KIAA1217: variants seen among roughly 807,000 people sequenced by gnomAD.
KIAA1217 encodes the protein KIAA1217.
In KIAA1217, 88 loss-of-function variants were observed where a neutral mutation model predicts 163.9. The observed-to-expected ratio is 0.54, with a 90% CI of 0.45 to 0.64. KIAA1217 has a LOEUF of 0.64. KIAA1217 is among the 30% of genes least tolerant of loss of function. KIAA1217 has a pLI of 0.00. For missense variants in KIAA1217, 2,372 were observed against 2,475.0 expected (o/e 0.96, Z 0.88); for synonymous variants, 903 against 923.1 (o/e 0.98, Z 0.39).
At chr10:24,256,402 A>G (rs2075162370) in intron 2 of KIAA1217, among the ~76,000 whole-genome samples, 1 of 152,214 alleles carries the variant, frequency 6.6e-6, no homozygotes, top group Admixed American at 6.5e-5. Context: ...AAGCCCATAG[A>G]AAATAAAAAG....
chr10:24,521,009 TAAC>T (rs959866760), intron 11 of KIAA1217, among the ~76,000 whole-genome samples: 2 of 126,570 alleles, frequency 1.6e-5, no homozygotes, highest in Admixed American at 1.7e-4. Context: ...CTAGGAAACA[TAAC>T]AAAACCCCAT....
intron 14 of KIAA1217, 93 bp from the exon 15 acceptor site, chr10:24,531,737 A>G: frequency 7.9e-7 from 1 of 1,271,464 alleles, no homozygotes; most frequent in Non-Finnish European, 1.1e-6. Flanking sequence ...AAAATTTTTA[A>G]ATCAGATTGC....
At chr10:24,330,949 A>G (rs1244522974) in intron 2 of KIAA1217, among the ~76,000 whole-genome samples, 1 of 151,504 alleles carries the variant, frequency 6.6e-6, no homozygotes, top group Non-Finnish European at 1.5e-5. Flanking sequence ...ATATTTTTTT[A>G]TTTTTATTTT....
At chr10:24,237,351 A>C (rs1417081257) in intron 2 of KIAA1217, among the ~76,000 whole-genome samples, 1 of 152,212 alleles carries the variant, frequency 6.6e-6, no homozygotes, top group Non-Finnish European at 1.5e-5. Context: ...TGCTGGTTAC[A>C]AATTTTTCTC....
At chr10:23,948,267 A>G (rs1844152863) in intron 1 of KIAA1217, among the ~76,000 whole-genome samples, 1 of 152,164 alleles carries the variant, frequency 6.6e-6, no homozygotes, top group Non-Finnish European at 1.5e-5. Context: ...TATAGTACCA[A>G]CCGCATAGGG....
intron 2 of KIAA1217, among the ~76,000 whole-genome samples, chr10:24,187,021 C>T (rs756574317): frequency 2.6e-5 from 4 of 152,224 alleles, no homozygotes; most frequent in African/African-American, 7.2e-5. Flanking sequence ...ATCTCTTCTG[C>T]TCTACTCCTC....
At chr10:24,320,700 G>A (rs775568609) in intron 2 of KIAA1217, among the ~76,000 whole-genome samples, 1 of 152,100 alleles carries the variant, frequency 6.6e-6, no homozygotes, top group Non-Finnish European at 1.5e-5. Context: ...GCAGGAAGAC[G>A]GAAAATTCTC....
At chr10:24,340,551 C>T (rs2046961340) in intron 2 of KIAA1217, among the ~76,000 whole-genome samples, 1 of 152,112 alleles carries the variant, frequency 6.6e-6, no homozygotes, top group African/African-American at 2.4e-5. Context: ...TGAAAACAAA[C>T]TAATACAGCC....
At chr10:23,747,118 A>G (rs1364053458) in intron 1 of KIAA1217, among the ~76,000 whole-genome samples, 2 of 152,214 alleles carry the variant, frequency 1.3e-5, no homozygotes, top group East Asian at 1.9e-4. Flanking sequence ...AGCACTTTCT[A>G]GTATGCATGG....
chr10:24,230,501 TG>T (rs1389316885), intron 2 of KIAA1217, among the ~76,000 whole-genome samples: 7 of 93,446 alleles, frequency 7.5e-5, no homozygotes, highest in African/African-American at 3.2e-4. Flanking sequence ...CTATTTGTTT[TG>T]TTTTTTTTTT....
intron 9 of KIAA1217, among the ~76,000 whole-genome samples, chr10:24,505,991 A>G (rs1252170079): frequency 6.6e-6 from 1 of 152,116 alleles, no homozygotes; most frequent in Non-Finnish European, 1.5e-5. Context: ...CATGTGCAAC[A>G]GACCCGTGTC....
In KIAA1217 at chr10:23,800,557, G is replaced by C. The variant is rs560105512; in HGVS notation, c.-321+105323G>C. ...TGTCCTTGCAGAGAAATTTCTTCCAGGGGCCCTCATAAAAGGACACTGTGT... is the reference window on the plus strand; with the variant it reads ...TGTCCTTGCAGAGAAATTTCTTCCACGGGCCCTCATAAAAGGACACTGTGT... On this transcript the variant is annotated intron_variant, in intron 1 of 18. Coordinates refer to the KIAA1217 transcript ENST00000376462. 7.9e-5 allele frequency among the ~76,000 whole-genome samples: 12 copies of C among 152,176 alleles called. No individual in the cohort carries two copies. In the South Asian group the frequency reaches 1.0e-3, roughly 13 times the overall value.
At chr10:24,306,404 C>G (rs946421112) in intron 2 of KIAA1217, among the ~76,000 whole-genome samples, 32 of 152,198 alleles carry the variant, frequency 2.1e-4, no homozygotes, top group Admixed American at 1.6e-3. Context: ...AACCTAGACA[C>G]TACTATAAGA....
At chr10:23,969,067 T>G (rs967962734) in intron 1 of KIAA1217, among the ~76,000 whole-genome samples, 1 of 152,196 alleles carries the variant, frequency 6.6e-6, no homozygotes, top group Non-Finnish European at 1.5e-5. Context: ...GGAGTTTCAC[T>G]GTTGTTGCCC....
chr10:23,789,591 A>G (rs937537763), intron 1 of KIAA1217, among the ~76,000 whole-genome samples: 5 of 152,130 alleles, frequency 3.3e-5, no homozygotes, highest in African/African-American at 1.2e-4. Flanking sequence ...AGCCTTGGCA[A>G]GATACATAGC....
chr10:24,064,688 A>G (rs1040746389), intron 2 of KIAA1217, among the ~76,000 whole-genome samples: 62 of 152,084 alleles, frequency 4.1e-4, no homozygotes, highest in Non-Finnish European at 7.4e-4. Flanking sequence ...CTCTTTTTCT[A>G]TTGATTGGAA....
intron 1 of KIAA1217, among the ~76,000 whole-genome samples, chr10:23,896,668 TC>T (rs1841716875): frequency 6.6e-6 from 1 of 152,050 alleles, no homozygotes; most frequent in African/African-American, 2.4e-5. Context: ...GAAGGAGGCA[TC>T]CTAAAGGTTG....
chr10:23,974,754 A>C (rs945678395), intron 1 of KIAA1217, among the ~76,000 whole-genome samples: 3 of 152,214 alleles, frequency 2.0e-5, no homozygotes, highest in Non-Finnish European at 2.9e-5. Flanking sequence ...CATTATGACC[A>C]CTGCTACTGC....
intron 1 of KIAA1217, among the ~76,000 whole-genome samples, chr10:23,726,979 C>CTTTTTTTTTTTTTTTTTTTTTT (rs1012125050): frequency 1.1e-5 from 1 of 93,416 alleles, no homozygotes; most frequent in East Asian, 3.2e-4. Flanking sequence ...GTATAGGCCT[C>CTTTTTTTTTTTTTTTTTTTTTT]TTTTTTTTTT....
Sources: gnomAD v4.1 joint callset for allele counts (sites outside exome capture counted in the v4.1 genomes callset) on GRCh38, gnomAD v4.1.1 for gene constraint, MANE v1.5 for transcripts, NCBI Gene and HGNC (gene_info 2026-07-23, HGNC 2026-07-21) for gene names.